The following COL24A1 variants were observed in gnomAD, a reference collection of about 807,000 sequenced individuals.
COL24A1 encodes the protein collagen alpha-1(XXIV) chain.
A neutral mutation model predicts 253.9 loss-of-function variants in COL24A1; 224 were observed. The ratio of observed to expected loss-of-function variants is 0.88; its 90% CI spans 0.79 to 0.99. The LOEUF (loss-of-function observed/expected upper bound fraction) is 0.99, where lower values mean the gene tolerates loss of function less well. COL24A1 is among the 50% of genes least tolerant of loss of function. The pLI is 0.00. For synonymous variants in COL24A1, 685 were observed against 673.7 expected, an observed-to-expected ratio of 1.02 and a Z score of -0.26; for missense variants, 2,131 against 2,068.5, an observed-to-expected ratio of 1.03 and a Z score of -0.59.
chr1:86,088,797 T>A (rs1407732745), intron 7 of COL24A1, among the ~76,000 whole-genome samples: 1 of 152,200 alleles, frequency 6.6e-6, no homozygotes, highest in Non-Finnish European at 1.5e-5. Context: ...ATAAAGTGAC[T>A]TCAAGATCTC....
chr1:85,935,256 C>T lies in COL24A1; in HGVS notation c.2563-23823G>A, dbSNP rs1285751881. ...GTAGAACAAAAAGAGGAAAAGGCTA[C>T]GAACAATAACATTTAGAGAGTTGGT... is the stretch of plus-strand genomic sequence containing the variant. On this transcript the variant is annotated intron_variant, in intron 24 of 59. Coordinates refer to ENST00000370571, the MANE Select transcript of COL24A1 (RefSeq NM_152890.7). 4.0e-5 allele frequency among the ~76,000 whole-genome samples: 6 copies of T among 148,166 alleles called. 1 individual carries two copies. The highest frequency in any genetic ancestry group is 2.1e-4 in the East Asian group (1 of 4,762).
intron 14 of COL24A1, among the ~76,000 whole-genome samples, chr1:86,024,457 A>G (rs1697836727): frequency 6.6e-6 from 1 of 152,178 alleles, no homozygotes; most frequent in Admixed American, 6.5e-5. Context: ...CTAACATAAC[A>G]GCATTTCTAA....
chr1:85,960,731 A>C (rs1440179521), intron 24 of COL24A1: 1 of 152,950 alleles, frequency 6.5e-6, no homozygotes, highest in Non-Finnish European at 1.5e-5. Flanking sequence ...AAAAATACAA[A>C]AATTAGCTGG....
In COL24A1 at chr1:85,869,421, G is replaced by A. The variant is rs547239821; in HGVS notation, c.3139-586C>T. 2.6e-5 allele frequency among the ~76,000 whole-genome samples: 4 copies of A among 152,194 alleles called. No individual in the cohort carries two copies. In the South Asian group the frequency reaches 8.3e-4, roughly 32 times the overall value. On this transcript the variant is annotated intron_variant, in intron 35 of 59. Transcript: ENST00000370571. Reference sequence around the variant, plus strand: ...CAGATTCACCAAAGTTGAAAAGAAGGAAAAAATGTTAAGGGCAGCCAGAGA... The same window carrying A: ...CAGATTCACCAAAGTTGAAAAGAAGAAAAAAATGTTAAGGGCAGCCAGAGA...
chr1:85,854,970 C>G (rs1451146361), intron 37 of COL24A1, among the ~76,000 whole-genome samples: 1 of 151,956 alleles, frequency 6.6e-6, no homozygotes, highest in African/African-American at 2.4e-5. Flanking sequence ...CCAAATATTC[C>G]TAGGTATTTT....
chr1:85,931,985 A>G (rs1018393081), intron 24 of COL24A1, among the ~76,000 whole-genome samples: 1 of 45,362 alleles, frequency 2.2e-5, no homozygotes, highest in Non-Finnish European at 4.2e-5. Context: ...TAAAAACCCT[A>G]GAAGAAAACC....
intron 43 of COL24A1, among the ~76,000 whole-genome samples, chr1:85,830,513 C>G (rs1317252121): frequency 6.6e-6 from 1 of 152,140 alleles, no homozygotes. Flanking sequence ...GGGTGCCCCT[C>G]CCCCAGCCTG....
chr1:85,938,214 G>A (rs1260687817), intron 24 of COL24A1, among the ~76,000 whole-genome samples: 1 of 147,288 alleles, frequency 6.8e-6, no homozygotes, highest in Non-Finnish European at 1.5e-5. Flanking sequence ...CCAAAGTGTG[G>A]AAGCAGAATT....
intron 19 of COL24A1, among the ~76,000 whole-genome samples, chr1:86,012,110 T>C (rs1243026593): frequency 1.3e-5 from 2 of 151,934 alleles, no homozygotes. Flanking sequence ...TAAGCCACCA[T>C]GCCCAGCCTT....
chr1:86,029,150 G>T (rs1257318850), intron 14 of COL24A1, among the ~76,000 whole-genome samples: 1 of 148,560 alleles, frequency 6.7e-6, no homozygotes, highest in Non-Finnish European at 1.5e-5. Context: ...AAGTTCTCAG[G>T]AAAAAAAAAA....
At chr1:85,835,813 C>A (rs955138639) in intron 43 of COL24A1, among the ~76,000 whole-genome samples, 16 of 152,116 alleles carry the variant, frequency 1.1e-4, no homozygotes, top group African/African-American at 3.6e-4. Context: ...TGGAACTAGA[C>A]AATGGTGATG....
intron 42 of COL24A1, 23 bp from the exon 43 acceptor site, chr1:85,838,661 A>C (rs775881307): frequency 3.7e-6 from 6 of 1,610,818 alleles, no homozygotes; most frequent in African/African-American, 2.7e-5. Context: ...CACACAAAAC[A>C]ATCAGTTTTA....
intron 20 of COL24A1, among the ~76,000 whole-genome samples, chr1:85,975,752 C>T (rs1009951623): frequency 3.3e-4 from 50 of 152,236 alleles, no homozygotes; most frequent in African/African-American, 1.1e-3. Flanking sequence ...ACAGAAATGG[C>T]ATGCTGCTAC....
At chr1:85,776,188 CT>C (rs1453534897) in intron 52 of COL24A1, among the ~76,000 whole-genome samples, 3 of 152,072 alleles carry the variant, frequency 2.0e-5, no homozygotes, top group African/African-American at 7.2e-5. Context: ...GAGACTTGCT[CT>C]TTGATCCATG....
At chr1:85,910,046 T>G (rs1482616571) in intron 25 of COL24A1, 43 bp from the exon 26 acceptor site, 1 of 1,507,116 alleles carries the variant, frequency 6.6e-7, no homozygotes, top group East Asian at 2.3e-5. Flanking sequence ...AGAGGCATAT[T>G]AATTAGTCAT....
intron 43 of COL24A1, among the ~76,000 whole-genome samples, chr1:85,835,047 T>G (rs534344434): frequency 6.6e-6 from 1 of 152,154 alleles, no homozygotes; most frequent in African/African-American, 2.4e-5. Context: ...GGATGTCCAA[T>G]GTAATATCCA....
intron 22 of COL24A1, among the ~76,000 whole-genome samples, chr1:85,969,325 C>T (rs1354733114): frequency 2.0e-5 from 3 of 151,914 alleles, no homozygotes; most frequent in African/African-American, 7.3e-5. Context: ...AGTACTTTGG[C>T]CAGGCATGGT....
chr1:85,924,061 A>G (rs867085256), intron 24 of COL24A1, among the ~76,000 whole-genome samples: 1 of 152,252 alleles, frequency 6.6e-6, no homozygotes, highest in Non-Finnish European at 1.5e-5. Flanking sequence ...AATAAACTAG[A>G]AAATCTAGAA....
Position 85,907,229 on chromosome 1 carries a change from C to G in COL24A1, c.2743G>C (p.Gly915Arg). 6.2e-7 allele frequency: 1 copy of G among 1,611,302 alleles called. No homozygotes were observed. Among genetic ancestry groups the G allele is most frequent in the Non-Finnish European group, 8.5e-7 (1 of 1,178,066 alleles). The stretch of plus-strand genomic sequence containing the variant: ...TTAGGACCTTGACTCCCAGGTGGTC[C>G]TCTTGCCCCCACATGACCCTATATG... ...LGLPGHVGARGPPGSQGPKGQ... is the reference protein window; with the variant it reads ...LGLPGHVGARRPPGSQGPKGQ... Residue 915 changes from glycine (G) to arginine (R), a missense_variant, in exon 28 of 60, where the codon GGA becomes CGA. Gly to Arg is a moderately radical substitution (Grantham distance 125, BLOSUM62 -2). Transcript: ENST00000370571.
Sources: gnomAD v4.1 joint callset for allele counts (sites outside exome capture counted in the v4.1 genomes callset) on GRCh38, gnomAD v4.1.1 for gene constraint, MANE v1.5 for transcripts, NCBI Gene and HGNC (gene_info 2026-07-23, HGNC 2026-07-21) for gene names.